Variants in RNF13 observed in about 807,000 individuals in gnomAD.
RNF13 encodes ring finger protein 13, also known as E3 ubiquitin-protein ligase RNF13.
In RNF13, 19 loss-of-function variants were observed where a neutral mutation model predicts 37.7. That is an observed-to-expected ratio of 0.50 (90% CI 0.35 to 0.74). The LOEUF (loss-of-function observed/expected upper bound fraction) is 0.74. RNF13 is among the 30% of genes least tolerant of loss of function. The pLI, the probability that RNF13 is intolerant of heterozygous loss-of-function variation, is 0.01. For missense variants in RNF13, 375 were observed against 453.0 expected, an observed-to-expected ratio of 0.83 and a Z score of 1.56; for synonymous variants, 144 against 157.8, an observed-to-expected ratio of 0.91 and a Z score of 0.65.
chr3:149,909,129 A>T (rs1372261819), intron 6 of RNF13, among the ~76,000 whole-genome samples: 1 of 152,218 alleles, frequency 6.6e-6, no homozygotes, highest in Non-Finnish European at 1.5e-5. Flanking sequence ...GAAGAAATAG[A>T]AATGGAGCCA....
At chr3:149,945,453 A>G (rs1480337542) in intron 8 of RNF13, among the ~76,000 whole-genome samples, 3 of 152,222 alleles carry the variant, frequency 2.0e-5, no homozygotes, top group Non-Finnish European at 4.4e-5. Flanking sequence ...CCACAGCTCA[A>G]GGAGGCCTGC....
intron 2 of RNF13, among the ~76,000 whole-genome samples, chr3:149,852,234 A>G (rs1354785847): frequency 6.6e-6 from 1 of 152,174 alleles, no homozygotes; most frequent in African/African-American, 2.4e-5. Context: ...CCTTGCTAGG[A>G]AATTGTCTAT....
intron 8 of RNF13, among the ~76,000 whole-genome samples, chr3:149,934,054 C>T (rs1719443605): frequency 6.6e-6 from 1 of 152,120 alleles, no homozygotes. Context: ...GTTTCAGTTT[C>T]ATTACTTGCT....
intron 6 of RNF13, among the ~76,000 whole-genome samples, chr3:149,910,320 G>T (rs35336664): frequency 0.078 from 11,875 of 152,136 alleles, 680 homozygotes; most frequent in Non-Finnish European, 0.1. Context: ...TTAGTATTTT[G>T]TGCAAAGCTA....
At chr3:149,825,845 A>G (rs768108760) in intron 1 of RNF13, among the ~76,000 whole-genome samples, 28 of 152,226 alleles carry the variant, frequency 1.8e-4, no homozygotes, top group African/African-American at 6.8e-4. Flanking sequence ...GTTCTGATAT[A>G]TTTATATAAT....
At chr3:149,929,069 T>C (rs1478434782) in intron 8 of RNF13, among the ~76,000 whole-genome samples, 3 of 152,228 alleles carry the variant, frequency 2.0e-5, no homozygotes, top group African/African-American at 7.2e-5. Flanking sequence ...GGTAGCTTTC[T>C]TGTGGATTCT....
intron 7 of RNF13, among the ~76,000 whole-genome samples, chr3:149,917,059 AGGGGGAAC>A (rs1717598269): frequency 6.6e-6 from 1 of 152,094 alleles, no homozygotes; most frequent in South Asian, 2.1e-4. Flanking sequence ...ATCCATATGA[AGGGGGAAC>A]TCTAGTTACT....
chr3:149,956,793 A>G (rs1038685786), intron 8 of RNF13, among the ~76,000 whole-genome samples: 2 of 152,162 alleles, frequency 1.3e-5, no homozygotes, highest in East Asian at 3.8e-4. Context: ...GTTAGCCTGC[A>G]GGGGTTTCTA....
At chr3:149,875,690 A>C (rs1338608076) in intron 4 of RNF13, among the ~76,000 whole-genome samples, 1 of 152,208 alleles carries the variant, frequency 6.6e-6, no homozygotes, top group Non-Finnish European at 1.5e-5. Flanking sequence ...AGATGCAGCA[A>C]AACCCATGCT....
At chr3:149,947,390 C>T (rs971542345) in intron 8 of RNF13, among the ~76,000 whole-genome samples, 1 of 150,586 alleles carries the variant, frequency 6.6e-6, no homozygotes, top group Non-Finnish European at 1.5e-5. Context: ...TGTTGCTGCT[C>T]ATTTCTTCTT....
intron 7 of RNF13, among the ~76,000 whole-genome samples, chr3:149,914,080 T>G (rs1222106385): frequency 6.6e-6 from 1 of 152,174 alleles, no homozygotes; most frequent in African/African-American, 2.4e-5. Context: ...TAGGTTATAA[T>G]CCAGTAATAT....
intron 3 of RNF13, among the ~76,000 whole-genome samples, chr3:149,869,505 C>G (rs1451640725): frequency 6.6e-6 from 1 of 151,062 alleles, no homozygotes; most frequent in Non-Finnish European, 1.5e-5. Flanking sequence ...ACTTGGGAGG[C>G]TGAGGCAGGA....
At chr3:149,849,548 G>T (rs1468641201) in intron 2 of RNF13, among the ~76,000 whole-genome samples, 1 of 152,168 alleles carries the variant, frequency 6.6e-6, no homozygotes, top group Non-Finnish European at 1.5e-5. Context: ...TTCTTAAGTC[G>T]CAGTTAACTT....
intron 8 of RNF13, among the ~76,000 whole-genome samples, chr3:149,929,225 G>T (rs1047210603): frequency 6.6e-6 from 1 of 152,170 alleles, no homozygotes; most frequent in East Asian, 1.9e-4. Flanking sequence ...TTCTAATCAT[G>T]GTGGAAGGCA....
At chr3:149,844,654 C>G (rs1332051895) in intron 1 of RNF13, among the ~76,000 whole-genome samples, 1 of 152,196 alleles carries the variant, frequency 6.6e-6, no homozygotes, top group Non-Finnish European at 1.5e-5. Flanking sequence ...GCAGACCTTT[C>G]TAGGGATAGC....
At chr3:149,931,686 T>C (rs895223281) in intron 8 of RNF13, among the ~76,000 whole-genome samples, 2 of 152,224 alleles carry the variant, frequency 1.3e-5, no homozygotes, top group Admixed American at 1.3e-4. Flanking sequence ...TGATCATTTT[T>C]GTGTGTGTGT....
chr3:149,870,322 G>A (rs1431656515), intron 3 of RNF13, among the ~76,000 whole-genome samples: 4 of 151,584 alleles, frequency 2.6e-5, no homozygotes, highest in Admixed American at 2.6e-4. Flanking sequence ...CATAGTAGAT[G>A]TGGAAGTCTG....
At chr3:149,840,039 C>T (rs1407141398) in intron 1 of RNF13, among the ~76,000 whole-genome samples, 3 of 152,036 alleles carry the variant, frequency 2.0e-5, no homozygotes, top group East Asian at 1.9e-4. Flanking sequence ...CCAGAAAATT[C>T]TTGTAAACTT....
chr3:149,946,238 G>GA (rs1442596854), intron 8 of RNF13, among the ~76,000 whole-genome samples: 1 of 152,216 alleles, frequency 6.6e-6, no homozygotes, highest in Non-Finnish European at 1.5e-5. Context: ...TGATGGAGCT[G>GA]AAAACCATGG....
Sources: gnomAD v4.1 joint callset for allele counts (sites outside exome capture counted in the v4.1 genomes callset) on GRCh38, gnomAD v4.1.1 for gene constraint, MANE v1.5 for transcripts, NCBI Gene and HGNC (gene_info 2026-07-23, HGNC 2026-07-21) for gene names.